The following ARMC2 variants were observed in gnomAD, a reference collection of about 807,000 sequenced individuals.
ARMC2 encodes the protein armadillo repeat containing 2.
A neutral mutation model predicts 90.3 loss-of-function variants in ARMC2; 67 were observed. The ratio of observed to expected loss-of-function variants is 0.74; its 90% CI spans 0.61 to 0.91. ARMC2 has a LOEUF of 0.91. Among genes scored for constraint, ARMC2 ranks in the 40% least tolerant of loss-of-function variants. The pLI, the probability that ARMC2 is intolerant of heterozygous loss-of-function variation, is 0.00. For missense variants in ARMC2, 920 were observed against 1,030.9 expected (o/e 0.89, Z 1.47); for synonymous variants, 393 against 393.0 (o/e 1.00, Z 0.00).
chr6:109,044,135 G>T, the ARMC2 span, among the ~76,000 whole-genome samples: 10 of 151,314 alleles, frequency 6.6e-5, no homozygotes, highest in Non-Finnish European at 1.3e-4. Context: ...AGCAACACAG[G>T]GAGACTCCAC....
chr6:108,862,845 A>G (rs1052695749), intron 3 of ARMC2, among the ~76,000 whole-genome samples: 4 of 152,230 alleles, frequency 2.6e-5, no homozygotes, highest in African/African-American at 9.6e-5. Flanking sequence ...CTCCACCAGC[A>G]GTCAGTCAGG....
chr6:108,934,580 C>T (rs1254672285), intron 11 of ARMC2, among the ~76,000 whole-genome samples: 2 of 152,080 alleles, frequency 1.3e-5, no homozygotes, highest in African/African-American at 2.4e-5. Flanking sequence ...TGATCGGCTT[C>T]TTGAAAAGTT....
the ARMC2 span, chr6:108,993,050 C>T: frequency 1.7e-6 from 1 of 578,850 alleles, no homozygotes; most frequent in Non-Finnish European, 3.0e-6. Flanking sequence ...AAGTAGTTTA[C>T]TTGCTAGTAA....
chr6:108,860,405 G>C (rs1775105189), intron 3 of ARMC2, among the ~76,000 whole-genome samples: 1 of 152,204 alleles, frequency 6.6e-6, no homozygotes, highest in South Asian at 2.1e-4. Context: ...GCTCATGCCT[G>C]TAATCCCAGC....
the ARMC2 span, among the ~76,000 whole-genome samples, chr6:109,012,400 C>G: frequency 1.3e-5 from 2 of 152,152 alleles, no homozygotes; most frequent in Non-Finnish European, 2.9e-5. Flanking sequence ...GGTCAACTTA[C>G]TCAACTGTAT....
chr6:109,019,167 G>A, the ARMC2 span, among the ~76,000 whole-genome samples: 1 of 151,980 alleles, frequency 6.6e-6, no homozygotes, highest in Non-Finnish European at 1.5e-5. Flanking sequence ...AGACTAAGCT[G>A]ACAAAGAAAT....
intron 1 of ARMC2, among the ~76,000 whole-genome samples, chr6:108,852,018 T>C (rs1430938719): frequency 6.6e-6 from 1 of 152,194 alleles, no homozygotes; most frequent in Non-Finnish European, 1.5e-5. Flanking sequence ...AATCAGTACT[T>C]CTAGCTGAGT....
the ARMC2 span, among the ~76,000 whole-genome samples, chr6:109,024,843 T>G: frequency 6.6e-6 from 1 of 152,256 alleles, no homozygotes; most frequent in Non-Finnish European, 1.5e-5. Context: ...TGAATGTGTG[T>G]TGCTTACACA....
rs533383575 is a variant in ARMC2 at position 108,933,464 on chromosome 6, G to A, written c.1497-3436G>A. ...TGTTTCTCAGCTGAAGGAGGTTTTG[G>A]GCTGAGACTGTGGGGTTTTCTAGAT... On this transcript the variant is annotated intron_variant, in intron 11 of 17. Coordinates refer to ENST00000392644, the MANE Select transcript of ARMC2 (RefSeq NM_032131.6). Among the ~76,000 whole-genome samples the A allele has an allele frequency of 2.0e-5, 3 of 152,168 alleles. No homozygotes were observed. In the South Asian group the frequency reaches 6.2e-4, roughly 32 times the overall value.
intron 4 of ARMC2, among the ~76,000 whole-genome samples, chr6:108,869,457 G>C (rs904151929): frequency 1.3e-5 from 2 of 152,162 alleles, no homozygotes; most frequent in African/African-American, 4.8e-5. Context: ...GCAGTGAGCT[G>C]AGATCGTGCC....
chr6:108,994,527 C>T, the ARMC2 span: 2 of 1,613,572 alleles, frequency 1.2e-6, no homozygotes, highest in South Asian at 1.1e-5. Flanking sequence ...CTCTTCCTGA[C>T]TTGCCTCTTC....
intron 14 of ARMC2, 89 bp from the exon 15 acceptor site, chr6:108,961,922 AATC>A (rs1009674015): frequency 6.0e-6 from 6 of 1,008,074 alleles, no homozygotes; most frequent in African/African-American, 1.6e-5. Flanking sequence ...ATCATTTGAA[AATC>A]ATCAGTATTA....
intron 17 of ARMC2, among the ~76,000 whole-genome samples, chr6:108,967,046 G>A (rs905703912): frequency 1.3e-5 from 2 of 152,168 alleles, no homozygotes; most frequent in South Asian, 2.1e-4. Flanking sequence ...CATGAGCTCC[G>A]CCCCCTGGGC....
chr6:108,951,703 G>T (rs72935144), intron 12 of ARMC2, among the ~76,000 whole-genome samples: 17 of 152,328 alleles, frequency 1.1e-4, no homozygotes, highest in Middle Eastern at 3.4e-3. Flanking sequence ...CACACCCGAC[G>T]CCCCTCACGG....
At chr6:108,903,881 T>G (rs1423952319) in intron 7 of ARMC2, among the ~76,000 whole-genome samples, 1 of 152,174 alleles carries the variant, frequency 6.6e-6, no homozygotes, top group Non-Finnish European at 1.5e-5. Context: ...GCAAGTGGCA[T>G]GCATCTGTGA....
At chr6:108,866,678 A>G (rs1031872672) in intron 3 of ARMC2, among the ~76,000 whole-genome samples, 3 of 152,234 alleles carry the variant, frequency 2.0e-5, no homozygotes, top group African/African-American at 7.2e-5. Context: ...GCACAAGTTC[A>G]CATAACTAGT....
At chr6:108,876,468 G>T in intron 5 of ARMC2, 118 bp downstream of exon 5, 2 of 1,003,080 alleles carry the variant, frequency 2.0e-6, no homozygotes, top group Non-Finnish European at 2.9e-6. Flanking sequence ...CAAATTTTAT[G>T]TTAAGGGTAC....
chr6:108,882,200 GC>G (rs1489128092), intron 5 of ARMC2, among the ~76,000 whole-genome samples: 3 of 152,026 alleles, frequency 2.0e-5, no homozygotes, highest in Non-Finnish European at 2.9e-5. Flanking sequence ...ACTTTGGGAG[GC>G]CGAGGCGGGC....
At chr6:109,019,985 G>GA in the ARMC2 span, among the ~76,000 whole-genome samples, 2 of 152,246 alleles carry the variant, frequency 1.3e-5, no homozygotes, top group East Asian at 3.9e-4. Flanking sequence ...AAAGATGCCA[G>GA]AAAAAAGTAT....
Sources: gnomAD v4.1 joint callset for allele counts (sites outside exome capture counted in the v4.1 genomes callset) on GRCh38, gnomAD v4.1.1 for gene constraint, MANE v1.5 for transcripts, NCBI Gene and HGNC (gene_info 2026-07-23, HGNC 2026-07-21) for gene names.